The following HS2ST1 variants were observed in gnomAD, a reference collection of about 807,000 sequenced individuals.
HS2ST1 encodes the protein 2-O-sulfotransferase.
In HS2ST1, 18 loss-of-function variants were observed where a neutral mutation model predicts 42.9. That is an observed-to-expected ratio of 0.42 (90% CI 0.29 to 0.62). The LOEUF (loss-of-function observed/expected upper bound fraction) is 0.62. Ranked by LOEUF, HS2ST1 falls within the 20% of genes least tolerant of loss-of-function variation. HS2ST1 has a pLI of 0.21. For missense variants in HS2ST1, 334 were observed against 433.8 expected, an observed-to-expected ratio of 0.77 and a Z score of 2.04; for synonymous variants, 146 against 152.9, an observed-to-expected ratio of 0.95 and a Z score of 0.33.
chr1:86,923,465 C>T (rs948985412), intron 1 of HS2ST1, among the ~76,000 whole-genome samples: 7 of 151,178 alleles, frequency 4.6e-5, no homozygotes, highest in South Asian at 2.1e-4. Flanking sequence ...GGCGCAATCT[C>T]GGCTCACTGC....
chr1:87,033,272 A>C (rs1650286109), intron 1 of HS2ST1, among the ~76,000 whole-genome samples: 1 of 152,224 alleles, frequency 6.6e-6, no homozygotes, highest in African/African-American at 2.4e-5. Flanking sequence ...ATTAATTCAT[A>C]AATATTCCTC....
At chr1:86,998,478 G>A (rs1649170562) in intron 1 of HS2ST1, among the ~76,000 whole-genome samples, 1 of 152,124 alleles carries the variant, frequency 6.6e-6, no homozygotes, top group South Asian at 2.1e-4. Flanking sequence ...AATTTTTATT[G>A]TCTCGAGTGA....
At chr1:87,005,997 T>A (rs868800087) in intron 1 of HS2ST1, among the ~76,000 whole-genome samples, 1 of 152,146 alleles carries the variant, frequency 6.6e-6, no homozygotes, top group Non-Finnish European at 1.5e-5. Context: ...TATTTTTGTA[T>A]AAAATTAGGG....
At chr1:87,046,281 A>G (rs1038351731) in intron 1 of HS2ST1, 1 of 735,918 alleles carries the variant, frequency 1.4e-6, no homozygotes, top group African/African-American at 1.7e-5. Flanking sequence ...TCCTAAGCCA[A>G]CCCAGAGAAC....
At chr1:87,084,372 A>G (rs1289614557) in intron 3 of HS2ST1, 93 bp downstream of exon 3, 2 of 741,846 alleles carry the variant, frequency 2.7e-6, no homozygotes, top group Non-Finnish European at 4.4e-6. Context: ...ATTTTCTAAT[A>G]AAAGAATGTA....
At chr1:87,103,294 A>G (rs1652258189) in intron 5 of HS2ST1, 138 bp from the exon 6 acceptor site, 1 of 672,822 alleles carries the variant, frequency 1.5e-6, no homozygotes, top group Admixed American at 3.5e-5. Context: ...TGCCTCCCAC[A>G]GGATGGTAAT....
chr1:86,938,271 C>T (rs1465457432), intron 1 of HS2ST1, among the ~76,000 whole-genome samples: 1 of 152,104 alleles, frequency 6.6e-6, no homozygotes, highest in Non-Finnish European at 1.5e-5. Context: ...TGCTGAGGTA[C>T]ACAGCTTGAA....
At chr1:86,981,346 A>G (rs1648586045) in intron 1 of HS2ST1, among the ~76,000 whole-genome samples, 1 of 152,116 alleles carries the variant, frequency 6.6e-6, no homozygotes, top group African/African-American at 2.4e-5. Flanking sequence ...ACATTTCAAA[A>G]CACAATCATA....
chr1:87,018,234 C>T (rs974703449), intron 1 of HS2ST1, among the ~76,000 whole-genome samples: 8 of 151,994 alleles, frequency 5.3e-5, no homozygotes, highest in Admixed American at 3.9e-4. Context: ...GGAGATGAAT[C>T]CTTTAAATAT....
intron 1 of HS2ST1, among the ~76,000 whole-genome samples, chr1:87,028,563 T>C (rs147993182): frequency 1.3e-5 from 2 of 152,354 alleles, no homozygotes; most frequent in East Asian, 3.9e-4. Flanking sequence ...CAACATTGTT[T>C]TATTTACCAG....
chr1:87,005,295 C>T (rs1205922934), intron 1 of HS2ST1, among the ~76,000 whole-genome samples: 1 of 152,086 alleles, frequency 6.6e-6, no homozygotes, highest in African/African-American at 2.4e-5. Flanking sequence ...GGTTGGTGTA[C>T]CTTATCCTCC....
intron 1 of HS2ST1, among the ~76,000 whole-genome samples, chr1:86,965,713 C>G (rs891348356): frequency 2.6e-5 from 4 of 151,964 alleles, no homozygotes; most frequent in East Asian, 3.9e-4. Context: ...ATAAATGACC[C>G]TTGGAATCCT....
At chr1:86,956,748 A>G (rs1647688685) in intron 1 of HS2ST1, among the ~76,000 whole-genome samples, 1 of 152,160 alleles carries the variant, frequency 6.6e-6, no homozygotes, top group Non-Finnish European at 1.5e-5. Flanking sequence ...CAGAAAAAAT[A>G]TATTACCCTA....
chr1:86,946,085 T>C (rs2102180794), intron 1 of HS2ST1, among the ~76,000 whole-genome samples: 1 of 152,374 alleles, frequency 6.6e-6, no homozygotes, highest in African/African-American at 2.4e-5. Context: ...TATGGTTGCC[T>C]ATTTTGGCAC....
chr1:86,969,663 C>A (rs778057668), intron 1 of HS2ST1, among the ~76,000 whole-genome samples: 10 of 151,758 alleles, frequency 6.6e-5, no homozygotes, highest in Non-Finnish European at 8.8e-5. Context: ...CTAGCTGTAA[C>A]TTGTTTACTG....
Position 87,095,508 on chromosome 1 carries a change from A to G in HS2ST1, c.589-2330A>G, listed in dbSNP as rs182133689. On this transcript the variant is annotated intron_variant, in intron 4 of 6. Transcript: ENST00000370550. ...TAGCTTTCACTTGATCTTGTAAAGA[A>G]TGGAAGGCTTTTGATTTGGGAGATT... 2.8e-3 allele frequency among the ~76,000 whole-genome samples: 430 copies of G among 152,330 alleles called. 7 individuals carry two copies. Among genetic ancestry groups the G allele is most frequent in the Admixed American group, 0.017 (263 of 15,302 alleles).
chr1:87,071,735 A>G (rs1651411766), intron 1 of HS2ST1, among the ~76,000 whole-genome samples: 1 of 151,868 alleles, frequency 6.6e-6, no homozygotes, highest in Non-Finnish European at 1.5e-5. Flanking sequence ...CTCCGAAAAA[A>G]AAAAAAAAAA....
At position 86,922,016 on chromosome 1, in the gene HS2ST1, T is replaced by A. The variant is rs139497233; in HGVS notation, c.124+6856T>A. Among the ~76,000 whole-genome samples, 14 of 152,326 alleles carry A rather than the reference T, an allele frequency of 9.2e-5. No homozygotes were observed. The East Asian group carries it at 2.5e-3, about 27-fold the overall frequency. On this transcript the variant is annotated intron_variant, in intron 1 of 6. Coordinates refer to ENST00000370550, the MANE Select transcript of HS2ST1 (RefSeq NM_012262.4). ...TTAGAACACTTAATGTGATTATTGA[T>A]GTGGTTGGGTTTAAATTCGTGAGTT...
At chr1:87,104,230 C>G (rs1423097524) in intron 6 of HS2ST1, among the ~76,000 whole-genome samples, 1 of 152,030 alleles carries the variant, frequency 6.6e-6, no homozygotes, top group Non-Finnish European at 1.5e-5. Flanking sequence ...TGTGCCAATC[C>G]TTACATTGAC....
Sources: gnomAD v4.1 joint callset for allele counts (sites outside exome capture counted in the v4.1 genomes callset) on GRCh38, gnomAD v4.1.1 for gene constraint, MANE v1.5 for transcripts, NCBI Gene and HGNC (gene_info 2026-07-23, HGNC 2026-07-21) for gene names.